NETO1: variants seen among roughly 807,000 people sequenced by gnomAD.
NETO1 encodes neuropilin and tolloid like 1.
In NETO1, 26 loss-of-function variants were observed where a neutral mutation model predicts 61.3. The ratio of observed to expected loss-of-function variants is 0.42; its 90% CI spans 0.31 to 0.59. The LOEUF (loss-of-function observed/expected upper bound fraction) is 0.59, where lower values mean the gene tolerates loss of function less well. Ranked by LOEUF, NETO1 falls within the 20% of genes least tolerant of loss-of-function variation. The probability of loss-of-function intolerance (pLI) is 0.12; values close to 1 mark genes in which losing one functional copy is unlikely to be tolerated. For synonymous variants in NETO1, 225 were observed against 225.8 expected (o/e 1.00, Z 0.03); for missense variants, 531 against 662.8 (o/e 0.80, Z 2.18).
At chr18:72,794,442 C>T (rs746449312) in intron 4 of NETO1, 38 bp from the exon 5 acceptor site, 7 of 1,569,134 alleles carry the variant, frequency 4.5e-6, no homozygotes, top group Non-Finnish European at 6.1e-6. Context: ...TCCCATTCTA[C>T]ATTTATTACT....
chr18:72,817,111 T>C (rs561635025), intron 4 of NETO1, among the ~76,000 whole-genome samples: 55 of 152,302 alleles, frequency 3.6e-4, no homozygotes, highest in African/African-American at 1.3e-3. Flanking sequence ...ATTCCTCTTC[T>C]CTTGGAACCT....
intron 6 of NETO1, 103 bp downstream of exon 6, chr18:72,794,014 C>T (rs766424811): frequency 6.4e-6 from 9 of 1,413,162 alleles, no homozygotes; most frequent in African/African-American, 1.4e-5. Context: ...TTGATGGCTG[C>T]ACTCTGAAAT....
intron 4 of NETO1, among the ~76,000 whole-genome samples, chr18:72,811,008 T>A (rs540560794): frequency 3.8e-4 from 58 of 152,328 alleles, no homozygotes; most frequent in African/African-American, 1.3e-3. Context: ...TTCCTCACAC[T>A]TTCCCTTCAT....
Position 72,793,483 on chromosome 18 carries a change from C to T in NETO1, c.639+634G>A, listed in dbSNP as rs1348192239. On this transcript the variant is annotated intron_variant, in intron 6 of 10. Coordinates refer to ENST00000327305, the MANE Select transcript of NETO1 (RefSeq NM_138966.5). ...ACTTTTAATTTTTATAATGTATTGC[C>T]AACTCTCAAAAGTCAGGGTGATCAA... 3.3e-5 allele frequency among the ~76,000 whole-genome samples: 5 copies of T among 151,858 alleles called. No individual in the cohort carries two copies. In the East Asian group the frequency reaches 9.6e-4, roughly 29 times the overall value.
At chr18:72,811,728 C>T (rs1300570323) in intron 4 of NETO1, among the ~76,000 whole-genome samples, 1 of 152,146 alleles carries the variant, frequency 6.6e-6, no homozygotes, top group African/African-American at 2.4e-5. Context: ...TGGTTTGAAG[C>T]CAACTGTTCG....
chr18:72,819,814 T>A lies in NETO1; in HGVS notation c.470-25410A>T, dbSNP rs371459986. ...AACTTACCAAAAGTGAAAAAATATATACTTTTTAAATGCATAAAATAATGT... is the reference window on the plus strand; with the variant it reads ...AACTTACCAAAAGTGAAAAAATATAAACTTTTTAAATGCATAAAATAATGT... On this transcript the variant is annotated intron_variant, in intron 4 of 10. Coordinates refer to ENST00000327305, the MANE Select transcript of NETO1 (RefSeq NM_138966.5). Among the ~76,000 whole-genome samples, 3 of 152,224 alleles carry A rather than the reference T, an allele frequency of 2.0e-5. No individual in the cohort carries two copies. In the East Asian group the frequency reaches 5.8e-4, roughly 29 times the overall value.
chr18:72,821,235 A>AAAAAAAAAAAAAT (rs2073186540), intron 4 of NETO1, among the ~76,000 whole-genome samples: 1 of 48,324 alleles, frequency 2.1e-5, no homozygotes, highest in Non-Finnish European at 3.7e-5. Flanking sequence ...CATATTAACT[A>AAAAAAAAAAAAAT]AAAAAAAAAA....
chr18:72,831,305 A>G (rs2073570702), intron 4 of NETO1, among the ~76,000 whole-genome samples: 1 of 152,182 alleles, frequency 6.6e-6, no homozygotes, highest in South Asian at 2.1e-4. Flanking sequence ...AGCCACAACA[A>G]TGAATGAAAA....
At chr18:72,843,815 C>T (rs186450913) in intron 4 of NETO1, among the ~76,000 whole-genome samples, 4 of 152,244 alleles carry the variant, frequency 2.6e-5, no homozygotes, top group East Asian at 3.9e-4. Context: ...ATTGGTAACT[C>T]GCTAAGATTG....
chr18:72,818,805 C>A (rs1242412174), intron 4 of NETO1, among the ~76,000 whole-genome samples: 1 of 152,070 alleles, frequency 6.6e-6, no homozygotes, highest in Admixed American at 6.5e-5. Context: ...ATTATAGAAA[C>A]AAGCAACATG....
Position 72,867,249 on chromosome 18 carries a change from G to T in NETO1, c.28+15C>A. On this transcript the variant is annotated intron_variant, in intron 1 of 10. Coordinates refer to ENST00000327305, the MANE Select transcript of NETO1 (RefSeq NM_138966.5). ...GGCTCCGGGAGCGCACGGGCGCGGCGGGGAGGGTACTCACTGTGAAGCACG... is the reference window on the plus strand; with the variant it reads ...GGCTCCGGGAGCGCACGGGCGCGGCTGGGAGGGTACTCACTGTGAAGCACG... 6.5e-7 allele frequency: 1 copy of T among 1,544,528 alleles called. No homozygotes were observed.
At chr18:72,863,594 T>A (rs375828597) in intron 3 of NETO1, among the ~76,000 whole-genome samples, 1 of 152,196 alleles carries the variant, frequency 6.6e-6, no homozygotes, top group Non-Finnish European at 1.5e-5. Context: ...GTGTGGTTTA[T>A]CTTTGCTGAA....
intron 4 of NETO1, among the ~76,000 whole-genome samples, chr18:72,814,823 T>C (rs1227723572): frequency 1.3e-5 from 2 of 152,190 alleles, no homozygotes; most frequent in East Asian, 3.9e-4. Context: ...ATTTTAAATG[T>C]ATATATACCT....
At chr18:72,767,794 G>A (rs1209579943) in intron 7 of NETO1, among the ~76,000 whole-genome samples, 1 of 151,984 alleles carries the variant, frequency 6.6e-6, no homozygotes, top group Non-Finnish European at 1.5e-5. Flanking sequence ...AGGGTTGGTT[G>A]GCTTCTGGTA....
At chr18:72,779,561 T>C (rs2071669373) in intron 7 of NETO1, among the ~76,000 whole-genome samples, 1 of 152,172 alleles carries the variant, frequency 6.6e-6, no homozygotes, top group Non-Finnish European at 1.5e-5. Flanking sequence ...CATTTCCAAG[T>C]AGTAGCACTG....
chr18:72,860,859 T>C (rs934476851), intron 3 of NETO1, among the ~76,000 whole-genome samples: 4 of 152,160 alleles, frequency 2.6e-5, no homozygotes, highest in Non-Finnish European at 4.4e-5. Flanking sequence ...CATTTATGTA[T>C]CAGTACTAAG....
intron 6 of NETO1, among the ~76,000 whole-genome samples, chr18:72,792,235 C>A (rs147246319): frequency 0.023 from 3,516 of 152,188 alleles, 139 homozygotes; most frequent in African/African-American, 0.08. Context: ...AGTTCGAGAC[C>A]AGCCTGGCCA....
Position 72,746,774 on chromosome 18 carries a change from T to A in NETO1, c.*1405A>T, listed in dbSNP as rs1185288091. Reference sequence around the variant, plus strand: ...TGAAAATGTTGGGAAGCATATATACTGATAGTAATTCTTATTTTAAAAATT... The same window carrying A: ...TGAAAATGTTGGGAAGCATATATACAGATAGTAATTCTTATTTTAAAAATT... On this transcript the variant is annotated 3_prime_UTR_variant, in exon 11 of 11. Coordinates refer to ENST00000327305, the MANE Select transcript of NETO1 (RefSeq NM_138966.5). 6.6e-6 allele frequency among the ~76,000 whole-genome samples: 1 copy of A among 151,990 alleles called. No homozygotes were observed. Among genetic ancestry groups the A allele is most frequent in the African/African-American group, 2.4e-5 (1 of 41,420 alleles).
At chr18:72,748,454 T>C (rs756625676) in intron 10 of NETO1, 2 of 216,632 alleles carry the variant, frequency 9.2e-6, no homozygotes, top group Non-Finnish European at 1.6e-5. Context: ...TGCATTCAAA[T>C]TTTATAGTAT....
Sources: allele counts gnomAD v4.1 joint callset (sites outside exome capture counted in the v4.1 genomes callset), GRCh38; gene constraint gnomAD v4.1.1; transcripts MANE v1.5; gene names NCBI Gene and HGNC (gene_info 2026-07-23, HGNC 2026-07-21).